ANKFN1: variants seen among roughly 807,000 people sequenced by gnomAD.
The protein encoded by ANKFN1 is ankyrin repeat and fibronectin type-III domain-containing protein 1.
Under a neutral mutation model 108.7 loss-of-function variants are expected in ANKFN1, and 74 were observed. The ratio of observed to expected loss-of-function variants is 0.68; its 90% confidence interval spans 0.56 to 0.83. The LOEUF is 0.83. Ranked by LOEUF, ANKFN1 falls within the 40% of genes least tolerant of loss-of-function variation. The pLI is 0.00. For synonymous variants in ANKFN1, 547 were observed against 516.2 expected (o/e 1.06, Z -0.81); for missense variants, 1,505 against 1,382.3 (o/e 1.09, Z -1.41).
chr17:56,359,586 G>A (rs2046460796), intron 6 of ANKFN1, among the ~76,000 whole-genome samples: 2 of 152,060 alleles, frequency 1.3e-5, no homozygotes, highest in African/African-American at 2.4e-5. Context: ...CTCAGAATTT[G>A]TTATGTCCAG....
At chr17:56,273,766 T>C (rs1040254767) in intron 3 of ANKFN1, among the ~76,000 whole-genome samples, 1 of 152,236 alleles carries the variant, frequency 6.6e-6, no homozygotes, top group African/African-American at 2.4e-5. Context: ...AGAAATTTTG[T>C]TGAGTATTTA....
intron 8 of ANKFN1, among the ~76,000 whole-genome samples, chr17:56,404,864 A>C (rs1345644592): frequency 2.0e-5 from 3 of 152,180 alleles, no homozygotes; most frequent in Non-Finnish European, 4.4e-5. Context: ...CCTTGATGTA[A>C]TACTCTCCCC....
chr17:56,396,360 A>C (rs139069855), intron 8 of ANKFN1, among the ~76,000 whole-genome samples: 18 of 152,336 alleles, frequency 1.2e-4, no homozygotes, highest in African/African-American at 4.1e-4. Flanking sequence ...AGGAAAGAGG[A>C]TCACTTGAGC....
chr17:56,237,966 G>C lies in ANKFN1; in HGVS notation c.53+10009G>C, dbSNP rs530753065. On this transcript the variant is annotated intron_variant, in intron 3 of 20. Coordinates refer to ENST00000682825, the MANE Select transcript of ANKFN1 (RefSeq NM_001370326.1). ...ATTGAACTGTGTCCCAGAGATTCTG[G>C]TATGTTTTATCATTGTTCTCATTAG... 4.3e-4 allele frequency among the ~76,000 whole-genome samples: 65 copies of C among 152,128 alleles called. No homozygotes were observed. The South Asian group carries it at 0.013, about 31-fold the overall frequency.
chr17:56,178,463 G>A lies in ANKFN1; in HGVS notation c.-71+24933G>A, dbSNP rs144090724. On this transcript the variant is annotated intron_variant, in intron 1 of 20. Transcript: ENST00000682825. ...AGAGTGCTAACCTAGATTCAGACTC[G>A]AGGCTGCATGTGGAGAATCTCAAAG... Among the ~76,000 whole-genome samples the A allele has an allele frequency of 1.7e-3, 264 of 152,262 alleles. 3 individuals carry two copies. Among genetic ancestry groups the A allele is most frequent in the African/African-American group, 6.1e-3 (253 of 41,550 alleles).
intron 6 of ANKFN1, among the ~76,000 whole-genome samples, chr17:56,370,269 A>T (rs1268707834): frequency 1.3e-5 from 2 of 152,170 alleles, no homozygotes; most frequent in Admixed American, 1.3e-4. Context: ...TTATAACTCA[A>T]ATTGCATCTA....
chr17:56,215,678 C>G (rs1016167927), intron 2 of ANKFN1: 11 of 152,250 alleles, frequency 7.2e-5, no homozygotes, highest in African/African-American at 2.7e-4. Flanking sequence ...GCTCCATGGG[C>G]TTGCACTCAG....
chr17:56,068,510 T>A (rs1158439035), intron 4 of ANKFN1, among the ~76,000 whole-genome samples: 2 of 152,088 alleles, frequency 1.3e-5, no homozygotes, highest in Admixed American at 6.6e-5. Flanking sequence ...CTGACTGAGC[T>A]ATCTGAAAGG....
At chr17:56,297,074 GA>G (rs2044533660) in intron 3 of ANKFN1, among the ~76,000 whole-genome samples, 1 of 152,318 alleles carries the variant, frequency 6.6e-6, no homozygotes, top group Admixed American at 6.5e-5. Context: ...GACAATGAAT[GA>G]GAAAGAGAGT....
intron 1 of ANKFN1, among the ~76,000 whole-genome samples, chr17:56,199,138 G>A (rs1009043278): frequency 1.3e-5 from 2 of 151,814 alleles, no homozygotes; most frequent in African/African-American, 4.8e-5. Flanking sequence ...TTACGTCTCT[G>A]CTAAATTTTT....
At chr17:56,219,733 GTC>G (rs1915705900) in intron 2 of ANKFN1, among the ~76,000 whole-genome samples, 1 of 152,122 alleles carries the variant, frequency 6.6e-6, no homozygotes, top group Non-Finnish European at 1.5e-5. Flanking sequence ...TGTTTTGGGA[GTC>G]AGTTTTGAAT....
rs150863393 is a variant in ANKFN1 at position 56,287,924 on chromosome 17, A to G, written c.54-38297A>G. Among the ~76,000 whole-genome samples, 1,213 of 152,246 alleles carry G rather than the reference A, an allele frequency of 8.0e-3. 8 individuals are homozygous for G. Among genetic ancestry groups the G allele is most frequent in the Non-Finnish European group, 0.012 (804 of 68,014 alleles). On this transcript the variant is annotated intron_variant, in intron 3 of 20. Coordinates refer to ENST00000682825, the MANE Select transcript of ANKFN1 (RefSeq NM_001370326.1). ...TGATCTTTGAGTGGGCCAAGCTTTG[A>G]TGGCTGGGCAGAGCACAAGGTTAAC...
intron 4 of ANKFN1, among the ~76,000 whole-genome samples, chr17:56,344,241 T>G (rs866884307): frequency 6.6e-6 from 1 of 152,066 alleles, no homozygotes; most frequent in Non-Finnish European, 1.5e-5. Flanking sequence ...GTTTAATGAG[T>G]TTTCAGAATT....
At chr17:56,088,080 C>T (rs1905349244) in intron 4 of ANKFN1, among the ~76,000 whole-genome samples, 1 of 151,302 alleles carries the variant, frequency 6.6e-6, no homozygotes, top group African/African-American at 2.4e-5. Context: ...TCACGTTGCT[C>T]TTACTTTCCC....
At chr17:56,486,214 C>T (rs1407857486) in intron 18 of ANKFN1, among the ~76,000 whole-genome samples, 2 of 152,290 alleles carry the variant, frequency 1.3e-5, no homozygotes, top group East Asian at 1.9e-4. Flanking sequence ...TCTTGGTCCT[C>T]CCTTGTTGCC....
rs146203775 is a variant in ANKFN1 at position 56,085,741 on chromosome 17, G to A, written c.288+39416G>A. ...GTTCAACTCAAAGCTCCCTGCTGAGGGTACAATCCAAGGTGGTTCTTTCTG... is the reference window on the plus strand; with the variant it reads ...GTTCAACTCAAAGCTCCCTGCTGAGAGTACAATCCAAGGTGGTTCTTTCTG... On this transcript the variant is annotated intron_variant, in intron 4 of 12. Coordinates refer to the ANKFN1 transcript ENST00000635860. Among the ~76,000 whole-genome samples the A allele has an allele frequency of 1.7e-3, 260 of 151,328 alleles. 5 individuals are homozygous for A. The highest frequency in any genetic ancestry group is 6.0e-3 in the African/African-American group (249 of 41,298).
intron 4 of ANKFN1, among the ~76,000 whole-genome samples, chr17:56,097,221 T>C (rs1443136636): frequency 2.6e-5 from 4 of 152,206 alleles, no homozygotes; most frequent in East Asian, 3.8e-4. Context: ...CCTGCACATG[T>C]ACCCTTGAAC....
chr17:56,289,614 G>C (rs1454809501), intron 3 of ANKFN1, among the ~76,000 whole-genome samples: 2 of 152,220 alleles, frequency 1.3e-5, no homozygotes, highest in Non-Finnish European at 2.9e-5. Context: ...CAAAAGCAGG[G>C]AGACAGCTCC....
chr17:56,433,693 G>C (rs1032265778), intron 8 of ANKFN1, among the ~76,000 whole-genome samples: 1 of 152,118 alleles, frequency 6.6e-6, no homozygotes, highest in Admixed American at 6.6e-5. Context: ...GGCGGGAAGG[G>C]GGTGAGGGAT....
Sources: allele counts gnomAD v4.1 joint callset (sites outside exome capture counted in the v4.1 genomes callset), GRCh38; gene constraint gnomAD v4.1.1; transcripts MANE v1.5; gene names NCBI Gene and HGNC (gene_info 2026-07-23, HGNC 2026-07-21).